Variants in AKAP6 observed in about 807,000 individuals in gnomAD.
AKAP6 encodes the protein A-kinase anchor protein 6.
AKAP6 carries 58 observed loss-of-function variants against 188.5 expected under a neutral mutation model. The ratio of observed to expected loss-of-function variants is 0.31; its 90% CI spans 0.25 to 0.38. The LOEUF (loss-of-function observed/expected upper bound fraction) is 0.38. AKAP6 is among the 10% of genes least tolerant of loss of function. The pLI, the probability that AKAP6 is intolerant of heterozygous loss-of-function variation, is 1.00. For synonymous variants in AKAP6, 989 were observed against 998.6 expected (o/e 0.99, Z 0.18); for missense variants, 2,710 against 2,740.0 (o/e 0.99, Z 0.24).
intron 4 of AKAP6, among the ~76,000 whole-genome samples, chr14:32,547,706 C>T (rs182588579): frequency 1.4e-3 from 210 of 152,066 alleles, no homozygotes; most frequent in African/African-American, 4.9e-3. Context: ...TAGCCAGGAG[C>T]GGTGGCACAC....
At chr14:32,710,499 G>T (rs949403846) in intron 9 of AKAP6, among the ~76,000 whole-genome samples, 2 of 152,048 alleles carry the variant, frequency 1.3e-5, no homozygotes, top group Admixed American at 1.3e-4. Context: ...ACATTTCAAG[G>T]GAACATGAGG....
chr14:32,789,948 C>A (rs561609950), intron 12 of AKAP6, among the ~76,000 whole-genome samples: 1 of 152,144 alleles, frequency 6.6e-6, no homozygotes, highest in South Asian at 2.1e-4. Context: ...ATGTTGTAAC[C>A]CAATGCAAAG....
intron 4 of AKAP6, among the ~76,000 whole-genome samples, chr14:32,566,088 C>G (rs907219394): frequency 5.9e-5 from 9 of 152,106 alleles, no homozygotes; most frequent in African/African-American, 2.2e-4. Flanking sequence ...TCAGGGAGTC[C>G]ACAAGGTCAA....
rs544997334 is a variant in AKAP6, at chr14:32,769,037, A to ATTTTTTTTTTTTTTTTTTTTT, written c.3373-4634_3373-4614dup. On this transcript the variant is annotated intron_variant, in intron 11 of 13. Coordinates refer to ENST00000280979, the MANE Select transcript of AKAP6 (RefSeq NM_004274.5). ...ACTAGGGGATGCAGCTGCTCTTTTG[A>ATTTTTTTTTTTTTTTTTTTTT]TTTTTTTTTTTTTTTTTTTTTTTTT... 8.1e-4 allele frequency among the ~76,000 whole-genome samples: 46 copies of ATTTTTTTTTTTTTTTTTTTTT among 56,922 alleles called. 16 individuals are homozygous for ATTTTTTTTTTTTTTTTTTTTT. The highest frequency in any genetic ancestry group is 3.2e-3 in the East Asian group (4 of 1,262). The allele number at this position is 56,922 out of a possible 152,430, so 37.3% of individuals were successfully genotyped here. A position where few individuals can be genotyped will look rare whatever the true frequency, so the allele number is the denominator to read the frequency against.
intron 1 of AKAP6, among the ~76,000 whole-genome samples, chr14:32,409,995 T>C (rs1889429473): frequency 6.6e-6 from 1 of 152,176 alleles, no homozygotes; most frequent in Non-Finnish European, 1.5e-5. Context: ...TGGCCTGCTT[T>C]CCAACTTGAC....
At chr14:32,366,536 C>T (rs1887840987) in intron 1 of AKAP6, among the ~76,000 whole-genome samples, 2 of 152,208 alleles carry the variant, frequency 1.3e-5, no homozygotes, top group African/African-American at 4.8e-5. Context: ...CTTTAGAATA[C>T]TATTGTGAGA....
At chr14:32,677,846 A>T (rs953006843) in intron 7 of AKAP6, among the ~76,000 whole-genome samples, 1 of 152,232 alleles carries the variant, frequency 6.6e-6, no homozygotes, top group Non-Finnish European at 1.5e-5. Flanking sequence ...GTCTATTGTG[A>T]TTGTTGAAGA....
intron 1 of AKAP6, among the ~76,000 whole-genome samples, chr14:32,429,944 A>G (rs61981134): frequency 0.08 from 12,205 of 152,288 alleles, 647 homozygotes; most frequent in South Asian, 0.22. Flanking sequence ...CTACATATAT[A>G]ACCACATCTG....
chr14:32,662,169 T>A (rs1217133624), intron 7 of AKAP6, among the ~76,000 whole-genome samples: 1 of 152,066 alleles, frequency 6.6e-6, no homozygotes, highest in African/African-American at 2.4e-5. Flanking sequence ...AAAATATAAA[T>A]AATTATGTAA....
intron 3 of AKAP6, among the ~76,000 whole-genome samples, chr14:32,540,182 A>C (rs1462456377): frequency 5.1e-5 from 7 of 136,188 alleles, no homozygotes; most frequent in African/African-American, 1.5e-4. Flanking sequence ...ATATATATAT[A>C]TATATATATA....
intron 2 of AKAP6, among the ~76,000 whole-genome samples, chr14:32,456,989 G>A (rs1891166157): frequency 6.6e-6 from 1 of 152,156 alleles, no homozygotes; most frequent in South Asian, 2.1e-4. Flanking sequence ...TAGCCAAGAT[G>A]TAACTTCATA....
chr14:32,533,689 G>A (rs1161843179), intron 2 of AKAP6, among the ~76,000 whole-genome samples: 1 of 152,184 alleles, frequency 6.6e-6, no homozygotes, highest in Non-Finnish European at 1.5e-5. Flanking sequence ...TTTTGGGGTA[G>A]TGGTCAAGAG....
intron 7 of AKAP6, among the ~76,000 whole-genome samples, chr14:32,634,641 A>T (rs1887411507): frequency 6.6e-6 from 1 of 151,998 alleles, no homozygotes; most frequent in African/African-American, 2.4e-5. Context: ...TTTGAGAGCC[A>T]GTTATTTTTT....
intron 5 of AKAP6, among the ~76,000 whole-genome samples, chr14:32,590,704 A>G (rs973011939): frequency 3.9e-5 from 6 of 152,072 alleles, no homozygotes; most frequent in African/African-American, 1.2e-4. Flanking sequence ...AAATAGGAAT[A>G]TTTTCTTCTG....
intron 5 of AKAP6, among the ~76,000 whole-genome samples, chr14:32,580,065 C>G (rs1032436061): frequency 2.0e-5 from 3 of 152,080 alleles, no homozygotes; most frequent in African/African-American, 7.2e-5. Context: ...ATATAAAAAT[C>G]ATACTCAAAG....
intron 7 of AKAP6, among the ~76,000 whole-genome samples, chr14:32,603,205 T>C (rs971487099): frequency 6.6e-6 from 1 of 151,330 alleles, no homozygotes; most frequent in Non-Finnish European, 1.5e-5. Flanking sequence ...AGAAGAGAAG[T>C]GACATTATTG....
At chr14:32,782,866 ATC>A (rs1236970862) in intron 12 of AKAP6, among the ~76,000 whole-genome samples, 2 of 151,218 alleles carry the variant, frequency 1.3e-5, no homozygotes, top group African/African-American at 2.4e-5. Flanking sequence ...CCCAATGAAA[ATC>A]TCTGTGATTT....
intron 2 of AKAP6, among the ~76,000 whole-genome samples, chr14:32,508,381 GA>G (rs1880982507): frequency 6.6e-6 from 1 of 152,202 alleles, no homozygotes; most frequent in Non-Finnish European, 1.5e-5. Context: ...AAATCAAAAG[GA>G]GACAGACACT....
At chr14:32,723,308 G>A (rs1055801499) in intron 9 of AKAP6, among the ~76,000 whole-genome samples, 1 of 152,118 alleles carries the variant, frequency 6.6e-6, no homozygotes, top group Admixed American at 6.6e-5. Flanking sequence ...GGGTAGTGGG[G>A]TGAAATGGGG....
Sources: allele counts gnomAD v4.1 joint callset (sites outside exome capture counted in the v4.1 genomes callset), GRCh38; gene constraint gnomAD v4.1.1; transcripts MANE v1.5; gene names NCBI Gene and HGNC (gene_info 2026-07-23, HGNC 2026-07-21).